The following CLIP1 variants were observed in gnomAD, a reference collection of about 807,000 sequenced individuals.
The protein encoded by CLIP1 is CAP-Gly domain containing linker protein 1.
In CLIP1, 66 loss-of-function variants were observed where a neutral mutation model predicts 161.6. That is an observed-to-expected ratio of 0.41 (90% CI 0.33 to 0.50). The LOEUF is 0.50. Ranked by LOEUF, CLIP1 falls within the 20% of genes least tolerant of loss-of-function variation. The pLI, the probability that CLIP1 is intolerant of heterozygous loss-of-function variation, is 0.27. For missense variants in CLIP1, 1,376 were observed against 1,702.0 expected (o/e 0.81, Z 3.37); for synonymous variants, 598 against 626.2 (o/e 0.96, Z 0.67).
Position 122,272,534 on chromosome 12 carries a change from G to A in CLIP1, c.*341C>T, listed in dbSNP as rs975863705. The A allele has an allele frequency of 1.7e-4, 32 of 191,456 alleles. No individual in the cohort carries two copies. The highest frequency in any genetic ancestry group is 5.6e-4 in the African/African-American group (24 of 42,696). 11.9% of individuals were successfully genotyped at this position (191,456 alleles called of 1,614,324 possible). A position where few individuals can be genotyped will look rare whatever the true frequency, so the allele number is the denominator to read the frequency against. On this transcript the variant is annotated 3_prime_UTR_variant, in exon 26 of 26. Coordinates refer to ENST00000620786, the MANE Select transcript of CLIP1 (RefSeq NM_001247997.2). ...TCTTAGTGCAAATATGAAAAGTAACGGCATAATTTAAAGTTACTTAAATAA... is the reference window on the plus strand; with the variant it reads ...TCTTAGTGCAAATATGAAAAGTAACAGCATAATTTAAAGTTACTTAAATAA...
intron 11 of CLIP1, among the ~76,000 whole-genome samples, chr12:122,337,038 G>A (rs1952261627): frequency 1.3e-5 from 2 of 150,664 alleles, no homozygotes; most frequent in South Asian, 4.2e-4. Flanking sequence ...GTGTGATCAT[G>A]GCTCACTGCA....
At chr12:122,403,094 CT>C (rs1041764371) in intron 1 of CLIP1, among the ~76,000 whole-genome samples, 3 of 152,134 alleles carry the variant, frequency 2.0e-5, no homozygotes, top group Non-Finnish European at 2.9e-5. Context: ...CCAGGCCCCC[CT>C]GGATATGCAA....
chr12:122,339,985 G>A (rs987294911), intron 11 of CLIP1, among the ~76,000 whole-genome samples: 10 of 151,980 alleles, frequency 6.6e-5, no homozygotes, highest in Admixed American at 1.3e-4. Flanking sequence ...TTATGGAACC[G>A]CCTTTGTTTA....
At chr12:122,384,665 G>A (rs1424324727) in intron 1 of CLIP1, among the ~76,000 whole-genome samples, 2 of 151,968 alleles carry the variant, frequency 1.3e-5, no homozygotes, top group African/African-American at 4.8e-5. Flanking sequence ...GGAGGCTGAG[G>A]TGGGAGAATC....
intron 10 of CLIP1, among the ~76,000 whole-genome samples, chr12:122,346,605 C>G (rs1952760265): frequency 6.6e-6 from 1 of 152,070 alleles, no homozygotes; most frequent in South Asian, 2.1e-4. Context: ...TGGATTCAAG[C>G]AATCCTCCTG....
At chr12:122,290,317 T>A (rs1167155218) in intron 20 of CLIP1, among the ~76,000 whole-genome samples, 1 of 152,192 alleles carries the variant, frequency 6.6e-6, no homozygotes, top group Admixed American at 6.6e-5. Context: ...TTAAGATGTA[T>A]GTTTTTGCTG....
chr12:122,342,909 T>C (rs1318256033), intron 10 of CLIP1: 1 of 151,508 alleles, frequency 6.6e-6, no homozygotes, highest in Non-Finnish European at 1.5e-5. Flanking sequence ...ATATTTTGAA[T>C]ATATCAGTTA....
chr12:122,293,624 A>C (rs2136338253), intron 20 of CLIP1, among the ~76,000 whole-genome samples: 1 of 151,072 alleles, frequency 6.6e-6, no homozygotes, highest in Admixed American at 6.6e-5. Flanking sequence ...GATTATAGGC[A>C]TGTGCCACCA....
intron 19 of CLIP1, 25 bp downstream of exon 19, chr12:122,316,724 T>C (rs565202807): frequency 7.6e-7 from 1 of 1,319,732 alleles, no homozygotes; most frequent in South Asian, 1.3e-5. Flanking sequence ...ATTCCATATT[T>C]TTTTCTCAAA....
chr12:122,328,348 C>A lies in CLIP1; in HGVS notation c.2946G>T (p.Met982Ile). The stretch of plus-strand genomic sequence containing the variant: ...GCTGGCTCTGTTCAGCTTTGACAGT[C>A]ATGTCCTCAATACTTTTTTGCAGAA... ...ASFLQKSIED[M>I]TVKAEQSQQE... Residue 982 changes from methionine to isoleucine, a missense_variant, in exon 16 of 26, where the codon ATG (methionine) becomes ATT (isoleucine). Met to Ile is a conservative substitution (Grantham distance 10, BLOSUM62 1). Coordinates refer to ENST00000620786, the MANE Select transcript of CLIP1 (RefSeq NM_001247997.2). 1 of 1,613,934 alleles carries A rather than the reference C, an allele frequency of 6.2e-7. No homozygotes were observed. The highest frequency in any genetic ancestry group is 1.1e-5 in the South Asian group (1 of 90,996).
chr12:122,397,974 AG>A (rs1220391482), intron 1 of CLIP1, among the ~76,000 whole-genome samples: 1 of 151,416 alleles, frequency 6.6e-6, no homozygotes, highest in Non-Finnish European at 1.5e-5. Context: ...CAAAAAAAAA[AG>A]AAAATTAACT....
At position 122,286,520 on chromosome 12, in the gene CLIP1, TAAAAAAAAAAA is replaced by T. The variant is rs57260606; in HGVS notation, c.3647+1958_3647+1968del. 3.7e-3 allele frequency among the ~76,000 whole-genome samples: 104 copies of T among 28,258 alleles called. 1 individual carries two copies. The highest frequency in any genetic ancestry group is 8.4e-3 in the Admixed American group (13 of 1,546). The allele number at this position is 28,258 out of a possible 152,430, so 18.5% of individuals were successfully genotyped here. On this transcript the variant is annotated intron_variant, in intron 21 of 25. Coordinates refer to ENST00000620786, the MANE Select transcript of CLIP1 (RefSeq NM_001247997.2). ...TGGGTGATAGAGCAAGACTCTGTCT[TAAAAAAAAAAA>T]AAAAAAAAAAAAAAAAAAAAAGTAG...
Position 122,354,524 on chromosome 12 carries a change from C to G in CLIP1, c.1236G>C (p.Gln412His). The change falls in exon 7 of 26, where the codon CAG becomes CAC. Residue 412 changes from glutamine (Q) to histidine (H), a missense_variant. Coordinates refer to ENST00000620786, the MANE Select transcript of CLIP1 (RefSeq NM_001247997.2). ...CAGCAGCTTCCACCATTGTTCGCAG[C>G]TGGTCCATTTTGGCTTCCAATTCCA... is the stretch of plus-strand genomic sequence containing the variant. ...HVLELEAKMD[Q>H]LRTMVEAADR... is the part of the protein sequence containing the mutation. The G allele has an allele frequency of 6.2e-7, 1 of 1,613,944 alleles. No homozygotes were observed.
At chr12:122,401,197 C>T (rs1956129714) in intron 1 of CLIP1, among the ~76,000 whole-genome samples, 2 of 152,134 alleles carry the variant, frequency 1.3e-5, no homozygotes, top group African/African-American at 4.8e-5. Flanking sequence ...AGACATGAGC[C>T]ACCACGACTG....
At chr12:122,354,618 A>G in intron 6 of CLIP1, 62 bp from the exon 7 acceptor site, 1 of 1,342,626 alleles carries the variant, frequency 7.4e-7, no homozygotes, top group Non-Finnish European at 1.1e-6. Flanking sequence ...ACCCAGTGAT[A>G]CTTCTCCAAA....
chr12:122,319,367 T>C lies in CLIP1; in HGVS notation c.3250-19A>G, dbSNP rs779493056. The stretch of plus-strand genomic sequence containing the variant: ...GAGCAGCCTAAATACAAGGAAACAC[T>C]GTGAGAAATGAGGACAGCCCTCGCC... On this transcript the variant is annotated intron_variant, in intron 17 of 25. Transcript: ENST00000620786. 23 of 1,581,478 alleles carry C rather than the reference T, an allele frequency of 1.5e-5. No individual in the cohort carries two copies. Among genetic ancestry groups the C allele is most frequent in the Non-Finnish European group, 1.8e-5 (21 of 1,150,628 alleles).
rs955773648 is a variant in CLIP1, at chr12:122,272,595, G to A, written c.*280C>T. On this transcript the variant is annotated 3_prime_UTR_variant, in exon 26 of 26. Coordinates refer to ENST00000620786, the MANE Select transcript of CLIP1 (RefSeq NM_001247997.2). ...GGGTAGGGGTTTTTCTACAAGGTCG[G>A]GGGGCCAATAAATGTAATGGCATCT... The A allele has an allele frequency of 5.3e-6, 2 of 379,754 alleles. No individual in the cohort carries two copies. Among genetic ancestry groups the A allele is most frequent in the African/African-American group, 4.1e-5 (2 of 49,132 alleles). 23.5% of individuals were successfully genotyped at this position (379,754 alleles called of 1,614,324 possible).
chr12:122,360,158 G>T (rs1467032544), intron 5 of CLIP1, among the ~76,000 whole-genome samples: 1 of 152,100 alleles, frequency 6.6e-6, no homozygotes, highest in Non-Finnish European at 1.5e-5. Flanking sequence ...GTGTCCTCTG[G>T]CTCAAGTCAG....
At position 122,355,169 on chromosome 12, in the gene CLIP1, G is replaced by A; in HGVS notation, c.1149C>T (p.Ser383=). 1.9e-6 allele frequency: 3 copies of A among 1,614,204 alleles called. No homozygotes were observed. The highest frequency in any genetic ancestry group is 2.5e-6 in the Non-Finnish European group (3 of 1,180,024). ...LERAEVAKAT[S]HVGEIEQELA... is the part of the protein sequence containing the mutation. Reference sequence around the variant, plus strand: ...GCTCCTGCTCTATCTCCCCCACGTGGCTCGTGGCCTTGGCCACCTCCGCCC... The same window carrying A: ...GCTCCTGCTCTATCTCCCCCACGTGACTCGTGGCCTTGGCCACCTCCGCCC... The change falls in exon 6 of 26, where the codon AGC becomes AGT. Residue 383 remains serine (S), a synonymous_variant. Coordinates refer to ENST00000620786, the MANE Select transcript of CLIP1 (RefSeq NM_001247997.2). This position sits in a 1 kb window ranked among gnomAD's most constrained non-coding sequence, Gnocchi z 4.1.
Sources: allele counts gnomAD v4.1 joint callset (sites outside exome capture counted in the v4.1 genomes callset), GRCh38; gene constraint gnomAD v4.1.1; non-coding constraint Gnocchi (gnomAD v3.1); transcripts MANE v1.5; gene names NCBI Gene and HGNC (gene_info 2026-07-23, HGNC 2026-07-21).